The following NDEL1 variants were observed in gnomAD, a reference collection of about 807,000 sequenced individuals.
NDEL1 encodes nudE neurodevelopment protein 1 like 1.
In NDEL1, 9 loss-of-function variants were observed where a neutral mutation model predicts 45.7. The ratio of observed to expected loss-of-function variants is 0.20; its 90% CI spans 0.12 to 0.34. The LOEUF is 0.34. NDEL1 is among the 10% of genes least tolerant of loss of function. The pLI, the probability that NDEL1 is intolerant of heterozygous loss-of-function variation, is 1.00. For synonymous variants in NDEL1, 133 were observed against 158.6 expected, an observed-to-expected ratio of 0.84 and a Z score of 1.21; for missense variants, 306 against 406.2, an observed-to-expected ratio of 0.75 and a Z score of 2.12.
At chr17:8,438,165 G>T (rs1909480079) in intron 1 of NDEL1, among the ~76,000 whole-genome samples, 1 of 152,074 alleles carries the variant, frequency 6.6e-6, no homozygotes, top group South Asian at 2.1e-4. Flanking sequence ...CACCATGTTG[G>T]TCAGGCTGGT....
intron 1 of NDEL1, among the ~76,000 whole-genome samples, chr17:8,441,902 T>C (rs530919908): frequency 4.6e-5 from 7 of 151,652 alleles, no homozygotes; most frequent in Middle Eastern, 3.4e-3. Context: ...CCTCCTGACC[T>C]TTTTTTTTAA....
intron 2 of NDEL1, 111 bp from the exon 3 acceptor site, chr17:8,445,600 A>T: frequency 9.1e-7 from 1 of 1,097,880 alleles, no homozygotes; most frequent in Non-Finnish European, 1.3e-6. Flanking sequence ...AGTATATTTT[A>T]TGAGAGCATT....
intron 1 of NDEL1, among the ~76,000 whole-genome samples, chr17:8,424,946 C>T (rs939330601): frequency 5.3e-5 from 8 of 152,112 alleles, no homozygotes; most frequent in Admixed American, 3.3e-4. Context: ...GGATTATAGG[C>T]GTGAACCCCC....
chr17:8,422,729 T>TC, intron 1 of NDEL1, among the ~76,000 whole-genome samples: 1 of 140,714 alleles, frequency 7.1e-6, no homozygotes, highest in South Asian at 2.3e-4. Context: ...CTTGTAATTT[T>TC]CTTTTTTCCT....
Position 8,467,420 on chromosome 17 carries a change from A to C in NDEL1, c.*397A>C. 14 of 394,516 alleles carry C rather than the reference A, an allele frequency of 3.5e-5. No individual in the cohort carries two copies. Among genetic ancestry groups the C allele is most frequent in the East Asian group, 7.5e-5 (2 of 26,836 alleles). 24.4% of individuals were successfully genotyped at this position (394,516 alleles called of 1,614,324 possible). On this transcript the variant is annotated 3_prime_UTR_variant, in exon 9 of 9. Transcript: ENST00000334527. The surrounding 1 kb of genome is among the most constrained non-coding windows in gnomAD (Gnocchi z 6.3). ...AAATCTTCTAGAAGTTCTCCCCCAA[A>C]TCAGGTCAATGTGTGCCCTCCTGAG...
intron 1 of NDEL1, among the ~76,000 whole-genome samples, chr17:8,425,368 G>A (rs945821989): frequency 6.6e-6 from 1 of 152,246 alleles, no homozygotes; most frequent in African/African-American, 2.4e-5. Flanking sequence ...GATCGCTTGA[G>A]CCTAGGAGTT....
chr17:8,445,604 G>T, intron 2 of NDEL1, 107 bp from the exon 3 acceptor site: 1 of 1,140,372 alleles, frequency 8.8e-7, no homozygotes, highest in Non-Finnish European at 1.2e-6. Flanking sequence ...TATTTTATGA[G>T]AGCATTAGCA....
At chr17:8,435,399 A>T (rs1292590971), upstream of NDEL1, among the ~76,000 whole-genome samples, 1 of 152,202 alleles carries the variant, frequency 6.6e-6, no homozygotes, top group Non-Finnish European at 1.5e-5. Context: ...CTACTGGAGG[A>T]AGATGAGAAC....
At chr17:8,435,784 A>G (rs1909262075), upstream of NDEL1, 3 of 367,270 alleles carry the variant, frequency 8.2e-6, no homozygotes, top group Middle Eastern at 9.2e-4. Context: ...GCCCCCTGTG[A>G]CACCAGCCCC....
chr17:8,432,586 G>T (rs565451743), upstream of NDEL1, among the ~76,000 whole-genome samples: 1 of 151,268 alleles, frequency 6.6e-6, no homozygotes, highest in Non-Finnish European at 1.5e-5. Flanking sequence ...GGTTTTCACC[G>T]TGTTAGCCAG....
chr17:8,421,049 T>C (rs1003398536), intron 1 of NDEL1, among the ~76,000 whole-genome samples: 6 of 152,232 alleles, frequency 3.9e-5, no homozygotes, highest in Non-Finnish European at 8.8e-5. Context: ...AATAGTTAGG[T>C]ATTTATTTTA....
At chr17:8,438,399 A>G (rs1909497697) in intron 1 of NDEL1, among the ~76,000 whole-genome samples, 1 of 152,248 alleles carries the variant, frequency 6.6e-6, no homozygotes, top group South Asian at 2.1e-4. Flanking sequence ...GAAATAAGTG[A>G]ACACATCCTC....
At chr17:8,458,183 A>T (rs1360148491) in intron 7 of NDEL1, among the ~76,000 whole-genome samples, 9 of 148,540 alleles carry the variant, frequency 6.1e-5, no homozygotes, top group African/African-American at 2.0e-4. Flanking sequence ...TTTTTTTTTT[A>T]ATGCCCTCTT....
chr17:8,459,100 G>T (rs1220994813), intron 7 of NDEL1, among the ~76,000 whole-genome samples: 1 of 152,126 alleles, frequency 6.6e-6, no homozygotes, highest in Admixed American at 6.5e-5. Flanking sequence ...TTCTCAAAGT[G>T]AAGTATATGT....
At chr17:8,445,490 CATAA>C (rs34758064) in intron 2 of NDEL1, among the ~76,000 whole-genome samples, 138,608 of 152,080 alleles carry the variant, frequency 0.91, 64,558 homozygotes, top group East Asian at 1. Flanking sequence ...CCTTACTTTT[CATAA>C]ATATTGTAAT....
chr17:8,444,987 C>T (rs977648305), intron 2 of NDEL1: 3 of 152,126 alleles, frequency 2.0e-5, no homozygotes, highest in Non-Finnish European at 2.9e-5. Flanking sequence ...TTTTACTGCC[C>T]TTTCATTATT....
At chr17:8,449,720 T>C (rs1910346161) in intron 5 of NDEL1, among the ~76,000 whole-genome samples, 1 of 151,792 alleles carries the variant, frequency 6.6e-6, no homozygotes, top group Non-Finnish European at 1.5e-5. Context: ...AAAATTTCCT[T>C]CTTTTTTAAG....
intron 1 of NDEL1, among the ~76,000 whole-genome samples, chr17:8,439,195 C>T (rs1597526503): frequency 6.6e-6 from 1 of 151,588 alleles, no homozygotes; most frequent in African/African-American, 2.4e-5. Context: ...CCGCCTCGGC[C>T]TCCCAAAGTG....
At chr17:8,437,320 T>C (rs1343911345) in intron 1 of NDEL1, among the ~76,000 whole-genome samples, 1 of 152,210 alleles carries the variant, frequency 6.6e-6, no homozygotes, top group East Asian at 1.9e-4. Flanking sequence ...CAGATAGAAG[T>C]TGCTAAATCT....
Sources: gnomAD v4.1 joint callset for allele counts (sites outside exome capture counted in the v4.1 genomes callset) on GRCh38, gnomAD v4.1.1 for gene constraint, Gnocchi (gnomAD v3.1) non-coding constraint, MANE v1.5 for transcripts, NCBI Gene and HGNC (gene_info 2026-07-23, HGNC 2026-07-21) for gene names.